Variants in MMP16 observed in about 807,000 individuals in gnomAD.
The protein encoded by MMP16 is matrix metallopeptidase 16.
In MMP16, 12 loss-of-function variants were observed where a neutral mutation model predicts 67.8. That is an observed-to-expected ratio of 0.18 (90% CI 0.11 to 0.29). MMP16 has a LOEUF of 0.29. Ranked by LOEUF, MMP16 falls within the 10% of genes least tolerant of loss-of-function variation. MMP16 has a pLI of 1.00. For missense variants in MMP16, 475 were observed against 765.7 expected (o/e 0.62, Z 4.48); for synonymous variants, 249 against 255.9 (o/e 0.97, Z 0.26).
At chr8:88,109,316 G>A in intron 6 of MMP16, among the ~76,000 whole-genome samples, 1 of 150,968 alleles carries the variant, frequency 6.6e-6, no homozygotes, top group Non-Finnish European at 1.5e-5. Flanking sequence ...ACTTTTTCAG[G>A]TAGACTATCA....
At chr8:88,300,272 A>C (rs564168974) in intron 1 of MMP16, among the ~76,000 whole-genome samples, 320 of 152,354 alleles carry the variant, frequency 2.1e-3, no homozygotes, top group Non-Finnish European at 3.8e-3. Flanking sequence ...AAGCCTAAGT[A>C]GTACACAGAA....
chr8:88,110,844 T>C (rs1171194900), intron 6 of MMP16, among the ~76,000 whole-genome samples: 2 of 151,678 alleles, frequency 1.3e-5, no homozygotes, highest in South Asian at 2.1e-4. Flanking sequence ...AGTTAATTAA[T>C]ATGATGAAAA....
intron 1 of MMP16, among the ~76,000 whole-genome samples, chr8:88,288,663 A>C (rs1208757814): frequency 6.6e-6 from 1 of 152,220 alleles, no homozygotes; most frequent in Admixed American, 6.5e-5. Flanking sequence ...TGTTGGTGAG[A>C]ATGCAGTAGG....
chr8:88,285,687 A>G (rs1309008418), intron 1 of MMP16, among the ~76,000 whole-genome samples: 2 of 151,892 alleles, frequency 1.3e-5, no homozygotes, highest in Non-Finnish European at 2.9e-5. Flanking sequence ...CCCTCAACTG[A>G]ATCCTTCCAA....
At chr8:88,140,420 G>C (rs1250901015) in intron 4 of MMP16, among the ~76,000 whole-genome samples, 2 of 152,082 alleles carry the variant, frequency 1.3e-5, no homozygotes, top group African/African-American at 4.8e-5. Context: ...TTCATTAGAA[G>C]GGAGTCACTA....
At position 88,316,505 on chromosome 8, in the gene MMP16, T is replaced by C. The variant is rs1811376120; in HGVS notation, c.132+10570A>G. 2.0e-5 allele frequency among the ~76,000 whole-genome samples: 3 copies of C among 152,188 alleles called. No homozygotes were observed. In the South Asian group the frequency reaches 6.2e-4, roughly 32 times the overall value. Reference sequence around the variant, plus strand: ...TGCTCTATCAATAGAACAACAAAGCTTGGATGACAGCATATCTTTTTACAG... The same window carrying C: ...TGCTCTATCAATAGAACAACAAAGCCTGGATGACAGCATATCTTTTTACAG... On this transcript the variant is annotated intron_variant, in intron 1 of 9. Coordinates refer to ENST00000286614, the MANE Select transcript of MMP16 (RefSeq NM_005941.5).
At chr8:88,153,204 G>A (rs1350097561) in intron 4 of MMP16, among the ~76,000 whole-genome samples, 1 of 150,796 alleles carries the variant, frequency 6.6e-6, no homozygotes, top group Non-Finnish European at 1.5e-5. Flanking sequence ...CACTGCTCAA[G>A]GAAATAAAAG....
chr8:88,234,673 C>A (rs1809913406), intron 1 of MMP16, among the ~76,000 whole-genome samples: 1 of 152,154 alleles, frequency 6.6e-6, no homozygotes, highest in South Asian at 2.1e-4. Flanking sequence ...CTTACACATG[C>A]AATTAGAGCT....
At chr8:88,230,557 A>C (rs2129871580) in intron 1 of MMP16, among the ~76,000 whole-genome samples, 1 of 148,724 alleles carries the variant, frequency 6.7e-6, no homozygotes, top group South Asian at 2.1e-4. Context: ...TTTTTTAGTA[A>C]GGATCAAAAA....
At chr8:88,292,433 G>A (rs1422619541) in intron 1 of MMP16, among the ~76,000 whole-genome samples, 1 of 152,196 alleles carries the variant, frequency 6.6e-6, no homozygotes, top group African/African-American at 2.4e-5. Flanking sequence ...AACACCAGGT[G>A]AGGGGCCCTC....
At chr8:88,142,855 T>C (rs1808234496) in intron 4 of MMP16, among the ~76,000 whole-genome samples, 2 of 152,280 alleles carry the variant, frequency 1.3e-5, no homozygotes, top group South Asian at 4.1e-4. Context: ...GTTTAAGGGA[T>C]GTTAAATACA....
chr8:88,118,490 T>G (rs1419178059), intron 5 of MMP16, among the ~76,000 whole-genome samples: 1 of 152,228 alleles, frequency 6.6e-6, no homozygotes, highest in Non-Finnish European at 1.5e-5. Context: ...TCATCAGTGC[T>G]TAACATGTTC....
chr8:88,283,320 C>A (rs1373298084), intron 1 of MMP16, among the ~76,000 whole-genome samples: 1 of 152,134 alleles, frequency 6.6e-6, no homozygotes, highest in Non-Finnish European at 1.5e-5. Flanking sequence ...GTGTTAATTG[C>A]ATGAGCATTT....
chr8:88,159,990 C>G (rs575389297), intron 4 of MMP16, among the ~76,000 whole-genome samples: 21 of 150,592 alleles, frequency 1.4e-4, no homozygotes, highest in African/African-American at 4.9e-4. Flanking sequence ...TATTATTACA[C>G]TTTAAATTTT....
intron 6 of MMP16, among the ~76,000 whole-genome samples, chr8:88,092,212 G>A (rs1808949894): frequency 6.6e-6 from 1 of 151,786 alleles, no homozygotes; most frequent in Non-Finnish European, 1.5e-5. Flanking sequence ...AGTATCACAG[G>A]TATAGGCTCT....
At chr8:88,265,035 G>C (rs1212570818) in intron 1 of MMP16, among the ~76,000 whole-genome samples, 2 of 152,112 alleles carry the variant, frequency 1.3e-5, no homozygotes, top group African/African-American at 4.8e-5. Flanking sequence ...CTTGAGACCT[G>C]AGAAAATGAG....
chr8:88,316,875 T>G (rs1348632332), intron 1 of MMP16, among the ~76,000 whole-genome samples: 1 of 152,074 alleles, frequency 6.6e-6, no homozygotes, highest in East Asian at 1.9e-4. Flanking sequence ...TCATGATTCA[T>G]GGGGGGAGGT....
intron 6 of MMP16, among the ~76,000 whole-genome samples, chr8:88,081,162 C>A (rs1311954074): frequency 6.6e-6 from 1 of 152,050 alleles, no homozygotes; most frequent in Non-Finnish European, 1.5e-5. Flanking sequence ...AAGCCTAAGA[C>A]AGACGTCAAA....
chr8:88,250,155 T>C (rs534021998), intron 1 of MMP16, among the ~76,000 whole-genome samples: 2 of 152,142 alleles, frequency 1.3e-5, no homozygotes, highest in Admixed American at 6.6e-5. Context: ...TGCCTAAACA[T>C]TGATTCTCAG....
Sources: gnomAD v4.1 joint callset for allele counts (sites outside exome capture counted in the v4.1 genomes callset) on GRCh38, gnomAD v4.1.1 for gene constraint, MANE v1.5 for transcripts, NCBI Gene and HGNC (gene_info 2026-07-23, HGNC 2026-07-21) for gene names.